PGAP6: variants seen among roughly 807,000 people sequenced by gnomAD.
PGAP6 encodes post-GPI attachment to proteins factor 6.
PGAP6 carries 62 observed loss-of-function variants against 68.4 expected under a neutral mutation model. The observed-to-expected ratio is 0.91, with a 90% confidence interval of 0.74 to 1.12. PGAP6 has a LOEUF of 1.12. PGAP6 is among the 50% of genes most tolerant of loss of function. The pLI is 0.00. For missense variants in PGAP6, 1,188 were observed against 1,068.5 expected (o/e 1.11, Z -1.56); for synonymous variants, 575 against 474.0 (o/e 1.21, Z -2.77).
chr16:377,511 G>T lies in PGAP6; in HGVS notation c.374C>A (p.Pro125His), dbSNP rs754316979. 1 of 1,601,650 alleles carries T rather than the reference G, an allele frequency of 6.2e-7. No homozygotes were observed. Residue 125 changes from proline to histidine, a missense_variant, in exon 3 of 13, where the codon CCC becomes CAC. Physicochemically the swap from Pro to His is moderately conservative, Grantham distance 77 (BLOSUM62 -2). Transcript: ENST00000431232. The part of the protein sequence containing the change: ...TSFPDDTAVQ[P>H]SFQVGVPLST... ...CAGCGGCACCCCGACCTGGAAGGAG[G>T]GCTGTACCGCGGTGTCGTCCGGGAA...
rs1452044596 is a variant in PGAP6, at chr16:381,792, GC to G, written c.29del (p.Gly10AlafsTer124). MGRAGTGTGGEAVAAVVAGP... is the reference protein window; with the variant it reads MGRAGTGTGXEAVAAVVAGP... ...CCGCCACCACCGCGGCCACCGCCTCGCCCCCGGTCCCGGTGCCAGCCCGGCC... is the reference window on the plus strand; with the variant it reads ...CCGCCACCACCGCGGCCACCGCCTCGCCCCGGTCCCGGTGCCAGCCCGGCC... On this transcript the variant is annotated frameshift_variant, in exon 1 of 13. Transcript: ENST00000431232. LOFTEE classifies it high-confidence loss of function. 1.9e-5 allele frequency: 22 copies of G among 1,164,104 alleles called. No individual in the cohort carries two copies. The highest frequency in any genetic ancestry group is 2.3e-5 in the Non-Finnish European group (22 of 944,540). 72.1% of individuals were successfully genotyped at this position (1,164,104 alleles called of 1,614,324 possible). A position where few individuals can be genotyped will look rare whatever the true frequency, so the allele number is the denominator to read the frequency against.
At chr16:386,011 A>G (rs990063939), upstream of PGAP6, among the ~76,000 whole-genome samples, 4 of 152,152 alleles carry the variant, frequency 2.6e-5, 1 homozygote, top group South Asian at 6.2e-4. Flanking sequence ...CAGTTGCTGG[A>G]TAACAGGGAC....
Position 377,657 on chromosome 16 carries a change from G to A in PGAP6, c.299+14C>T, listed in dbSNP as rs11641693. On this transcript the variant is annotated intron_variant, in intron 2 of 12. Transcript: ENST00000431232. ...GGCGCGGGAGGGTGGGCAGGCGGGC[G>A]GGCAGCCACCTACACGGTGATCTCC... 898,396 of 1,571,812 alleles carry A rather than the reference G, an allele frequency of 0.57. 260,344 individuals carry two copies. Among genetic ancestry groups the A allele is most frequent in the South Asian group, 0.71 (60,936 of 86,266 alleles).
At chr16:378,034 G>T (rs1053014551) in intron 1 of PGAP6, among the ~76,000 whole-genome samples, 186 bp from the exon 2 acceptor site, 9 of 152,082 alleles carry the variant, frequency 5.9e-5, no homozygotes, top group African/African-American at 1.9e-4. Context: ...ATCCTCTGCT[G>T]TCCCTCCCCA....
At chr16:380,027 G>A (rs2054424182) in intron 1 of PGAP6, among the ~76,000 whole-genome samples, 1 of 152,220 alleles carries the variant, frequency 6.6e-6, no homozygotes, top group South Asian at 2.1e-4. Flanking sequence ...ACCGGGACAG[G>A]CACCCATGGG....
intron 1 of PGAP6, among the ~76,000 whole-genome samples, chr16:378,187 C>T (rs1355198927): frequency 1.5e-4 from 22 of 150,516 alleles, no homozygotes; most frequent in African/African-American, 5.2e-4. Context: ...CATCCCCACC[C>T]GCACTGCCAT....
Position 371,970 on chromosome 16 carries a change from C to G in PGAP6, c.*17G>C, listed in dbSNP as rs2054336780. On this transcript the variant is annotated 3_prime_UTR_variant, in exon 13 of 13. Coordinates refer to ENST00000431232, the MANE Select transcript of PGAP6 (RefSeq NM_021259.3). Reference sequence around the variant, plus strand: ...GCTGAAGAGGTCATCAGAGCAGCAGCTGTCCCCAGGCCAGTGTCACGTCAC... The same window carrying G: ...GCTGAAGAGGTCATCAGAGCAGCAGGTGTCCCCAGGCCAGTGTCACGTCAC... 2 of 1,604,730 alleles carry G rather than the reference C, an allele frequency of 1.2e-6. No homozygotes were observed. Among genetic ancestry groups the G allele is most frequent in the Non-Finnish European group, 8.5e-7 (1 of 1,174,898 alleles).
In PGAP6 at chr16:372,265, G is replaced by T; in HGVS notation, c.2038C>A (p.Arg680=). 1 of 1,610,280 alleles carries T rather than the reference G, an allele frequency of 6.2e-7. No homozygotes were observed. Among genetic ancestry groups the T allele is most frequent in the Non-Finnish European group, 8.5e-7 (1 of 1,179,700 alleles). Reference sequence around the variant, plus strand: ...CACGAGGTGGGGTAGCACTGGCGCCGGTGCCCGCAGCGGTAAGCCTGGAGA... The same window carrying T: ...CACGAGGTGGGGTAGCACTGGCGCCTGTGCCCGCAGCGGTAAGCCTGGAGA... ...ASMWAYRCGH[R]RQCYPTSWQR... The change falls in exon 13 of 13, where the codon CGG becomes AGG. Residue 680 remains arginine (R), a synonymous_variant. Coordinates refer to ENST00000431232, the MANE Select transcript of PGAP6 (RefSeq NM_021259.3).
In PGAP6 at chr16:376,656, G is replaced by A. The variant is rs1363292086; in HGVS notation, c.792C>T (p.Pro264=). ...KVLTCTGAPW[P]CRLLLPSPPW... is the part of the protein sequence containing the mutation. ...GCGGTGAGGGCAGCAGCAGGCGGCA[G>A]GGCCAGGGGGCACCGGTGCAGGTGA... Residue 264 remains proline, a synonymous_variant, in exon 5 of 13, where the codon CCC becomes CCT. Coordinates refer to ENST00000431232, the MANE Select transcript of PGAP6 (RefSeq NM_021259.3). 6.2e-7 allele frequency: 1 copy of A among 1,608,714 alleles called. No homozygotes were observed. Among genetic ancestry groups the A allele is most frequent in the Non-Finnish European group, 8.5e-7 (1 of 1,177,992 alleles).
chr16:371,819 C>G lies in PGAP6; in HGVS notation c.*168G>C, dbSNP rs958651650. Reference sequence around the variant, plus strand: ...AGCAGGCAGCTGGCGAGGAGAGGTGCGTGTGAGGGAGGGGTGGCCCTCTCC... The same window carrying G: ...AGCAGGCAGCTGGCGAGGAGAGGTGGGTGTGAGGGAGGGGTGGCCCTCTCC... On this transcript the variant is annotated 3_prime_UTR_variant, in exon 13 of 13. Transcript: ENST00000431232. 4.6e-6 allele frequency: 3 copies of G among 650,890 alleles called. No individual in the cohort carries two copies. The Admixed American group carries it at 8.9e-5, about 19-fold the overall frequency. The allele number at this position is 650,890 out of a possible 1,614,324, so 40.3% of individuals were successfully genotyped here.
chr16:382,535 C>T, upstream of PGAP6: 1 of 336,964 alleles, frequency 3.0e-6, no homozygotes, highest in Non-Finnish European at 5.4e-6. Flanking sequence ...TGTTTAGGGA[C>T]TGTAGTACCC....
chr16:374,420 C>T (rs3743888), intron 9 of PGAP6, 21 bp from the exon 10 acceptor site: 45 of 1,544,374 alleles, frequency 2.9e-5, no homozygotes, highest in Admixed American at 5.6e-5. Context: ...AAAACCCCGA[C>T]GCGGAGGCTG....
chr16:375,109 C>A, intron 8 of PGAP6, 24 bp downstream of exon 8: 1 of 1,610,838 alleles, frequency 6.2e-7, no homozygotes, highest in South Asian at 1.1e-5. Context: ...GCCTGGCCCC[C>A]GTCTCTGCCC....
Position 374,028 on chromosome 16 carries a change from G to A in PGAP6, c.1879C>T (p.Arg627Trp), listed in dbSNP as rs567583918. The A allele has an allele frequency of 6.5e-5, 105 of 1,611,114 alleles. No homozygotes were observed. Among genetic ancestry groups the A allele is most frequent in the Non-Finnish European group, 7.3e-5 (86 of 1,179,864 alleles). ...ACGTATTTCAGGACTGTCTTGAGCC[G>A]TGCCATGCACAGGATGGTGACCCAG... The part of the protein sequence containing the change: ...AIWVTILCMA[R>W]LKTVLKYVLF... The change falls in exon 11 of 13, where the codon CGG becomes TGG. Residue 627 changes from arginine to tryptophan, a missense_variant. Coordinates refer to ENST00000431232, the MANE Select transcript of PGAP6 (RefSeq NM_021259.3).
In PGAP6 at chr16:374,203, C is replaced by G; in HGVS notation, c.1755+18G>C. On this transcript the variant is annotated intron_variant, in intron 10 of 12. Transcript: ENST00000431232. ...CCTGCCCTCCCACCCCACATCCCTG[C>G]AGGAGGGGCCAGCCTACCGTGGAGA... 4.3e-6 allele frequency: 7 copies of G among 1,610,450 alleles called. No individual in the cohort carries two copies. The highest frequency in any genetic ancestry group is 1.7e-4 in the Middle Eastern group (1 of 6,050).
In PGAP6 at chr16:374,033, A is replaced by G. The variant is rs1396649731; in HGVS notation, c.1874T>C (p.Met625Thr). The G allele has an allele frequency of 4.3e-6, 7 of 1,611,462 alleles. No individual in the cohort carries two copies. Among genetic ancestry groups the G allele is most frequent in the Non-Finnish European group, 5.9e-6 (7 of 1,179,920 alleles). The change falls in exon 11 of 13, where the codon ATG becomes ACG. Residue 625 changes from methionine to threonine, a missense_variant. By Grantham distance (81) the Met-to-Thr change is moderately conservative. Coordinates refer to ENST00000431232, the MANE Select transcript of PGAP6 (RefSeq NM_021259.3). ...TTTCAGGACTGTCTTGAGCCGTGCC[A>G]TGCACAGGATGGTGACCCAGATGGC... Reference protein sequence around the residue: ...GAAIWVTILCMARLKTVLKYV... With the variant: ...GAAIWVTILCTARLKTVLKYV...
chr16:376,957 C>A, intron 4 of PGAP6, 80 bp downstream of exon 4: 1 of 1,580,782 alleles, frequency 6.3e-7, no homozygotes, highest in South Asian at 1.1e-5. Flanking sequence ...GGACTCAGGG[C>A]CAGGCTCTCG....
intron 2 of PGAP6, 21 bp from the exon 3 acceptor site, chr16:377,606 C>T (rs912869237): frequency 3.1e-5 from 49 of 1,568,090 alleles, no homozygotes; most frequent in Non-Finnish European, 4.1e-5. Context: ...GAGAGCAGCA[C>T]CGGGTTCAGG....
upstream of PGAP6, among the ~76,000 whole-genome samples, chr16:384,995 G>A (rs2054472082): frequency 6.6e-6 from 1 of 151,176 alleles, no homozygotes; most frequent in South Asian, 2.1e-4. Context: ...AATTATTTTT[G>A]TCTCTACTAA....
Sources: gnomAD v4.1 joint callset for allele counts (sites outside exome capture counted in the v4.1 genomes callset) on GRCh38, gnomAD v4.1.1 for gene constraint, MANE v1.5 for transcripts, NCBI Gene and HGNC (gene_info 2026-07-23, HGNC 2026-07-21) for gene names.